The following MSH3 variants were observed in gnomAD, a reference collection of about 807,000 sequenced individuals.
MSH3 encodes the protein DNA mismatch repair protein Msh3.
In MSH3, 106 loss-of-function variants were observed where a neutral mutation model predicts 123.3. The ratio of observed to expected loss-of-function variants is 0.86; its 90% CI spans 0.73 to 1.01. MSH3 has a LOEUF of 1.01. MSH3 is among the 50% of genes least tolerant of loss of function. MSH3 has a pLI of 0.00. For missense variants in MSH3, 1,459 were observed against 1,347.6 expected, an observed-to-expected ratio of 1.08 and a Z score of -1.29; for synonymous variants, 515 against 481.4, an observed-to-expected ratio of 1.07 and a Z score of -0.91.
chr5:80,842,951 A>AG (rs1240428585), intron 20 of MSH3, among the ~76,000 whole-genome samples: 2 of 152,122 alleles, frequency 1.3e-5, no homozygotes, highest in Non-Finnish European at 1.5e-5. Flanking sequence ...GTTGAGTAGG[A>AG]GGGGTGAGAG....
At chr5:80,758,012 C>T (rs1187419647) in intron 12 of MSH3, among the ~76,000 whole-genome samples, 1 of 152,172 alleles carries the variant, frequency 6.6e-6, no homozygotes, top group Non-Finnish European at 1.5e-5. Context: ...CCCTTTCACT[C>T]TCTCCCTGCC....
intron 9 of MSH3, among the ~76,000 whole-genome samples, chr5:80,727,638 G>T (rs1743325534): frequency 6.6e-6 from 1 of 151,954 alleles, no homozygotes; most frequent in South Asian, 2.1e-4. Context: ...AACATAACTG[G>T]GATTTATTCG....
chr5:80,812,261 TTA>T (rs1482610473), intron 19 of MSH3, among the ~76,000 whole-genome samples: 5 of 152,330 alleles, frequency 3.3e-5, no homozygotes, highest in African/African-American at 1.2e-4. Flanking sequence ...TAGTAACATG[TTA>T]TAAGGCTTTA....
At chr5:80,792,964 C>A (rs1744634781) in intron 19 of MSH3, 120 bp downstream of exon 19, 4 of 680,416 alleles carry the variant, frequency 5.9e-6, no homozygotes, top group South Asian at 5.2e-5. Context: ...ATGGGCTAAG[C>A]CTGGACATAG....
At chr5:80,663,934 A>G (rs1400872673) in intron 2 of MSH3, among the ~76,000 whole-genome samples, 1 of 152,174 alleles carries the variant, frequency 6.6e-6, no homozygotes, top group African/African-American at 2.4e-5. Context: ...TTTTGCTTTA[A>G]TAGGGAAGGT....
At chr5:80,810,691 T>C (rs900190238) in intron 19 of MSH3, among the ~76,000 whole-genome samples, 21 of 152,168 alleles carry the variant, frequency 1.4e-4, no homozygotes, top group African/African-American at 5.1e-4. Flanking sequence ...CTGTAATTAC[T>C]GTAGCATTAT....
At chr5:80,806,038 A>ATAAACATTTTGGT (rs1744884636) in intron 19 of MSH3, among the ~76,000 whole-genome samples, 1 of 145,448 alleles carries the variant, frequency 6.9e-6, no homozygotes, top group Non-Finnish European at 1.6e-5. Context: ...ATAATTTTTT[A>ATAAACATTTTGGT]TAAACATTTT....
At chr5:80,764,284 G>A (rs374873717) in intron 13 of MSH3, among the ~76,000 whole-genome samples, 4 of 152,326 alleles carry the variant, frequency 2.6e-5, no homozygotes, top group Admixed American at 2.0e-4. Flanking sequence ...TTTGTGGAAC[G>A]TGCCCTGGAA....
chr5:80,867,582 T>G (rs931145642), intron 22 of MSH3, among the ~76,000 whole-genome samples: 8 of 152,294 alleles, frequency 5.3e-5, no homozygotes, highest in South Asian at 2.1e-4. Context: ...ATTAGGGAGT[T>G]AATTCCTTAT....
intron 7 of MSH3, among the ~76,000 whole-genome samples, chr5:80,677,155 CT>C (rs1749859695): frequency 6.6e-6 from 1 of 152,198 alleles, no homozygotes; most frequent in South Asian, 2.1e-4. Context: ...ACCCTCGACA[CT>C]GTTTTCCCTG....
chr5:80,856,001 C>T (rs191368936), intron 21 of MSH3, among the ~76,000 whole-genome samples: 12 of 151,542 alleles, frequency 7.9e-5, no homozygotes, highest in Admixed American at 2.0e-4. Flanking sequence ...CCTTCCACTT[C>T]GGCCTCCCGA....
intron 20 of MSH3, among the ~76,000 whole-genome samples, chr5:80,840,785 C>T (rs1265985699): frequency 4.6e-5 from 7 of 152,020 alleles, no homozygotes; most frequent in African/African-American, 9.7e-5. Flanking sequence ...TGATGTTCCC[C>T]GCCCTGTGCC....
At chr5:80,822,787 C>T (rs1745223423) in intron 20 of MSH3, among the ~76,000 whole-genome samples, 1 of 152,174 alleles carries the variant, frequency 6.6e-6, no homozygotes, top group Non-Finnish European at 1.5e-5. Context: ...CCTTCTGTTC[C>T]TCAGGAAGTG....
chr5:80,684,919 TTA>T lies in MSH3; in HGVS notation c.1340+5828_1340+5829del, dbSNP rs535883384. Among the ~76,000 whole-genome samples, 11 of 152,244 alleles carry T rather than the reference TTA, an allele frequency of 7.2e-5. No individual in the cohort carries two copies. The East Asian group carries it at 1.9e-3, about 27-fold the overall frequency. On this transcript the variant is annotated intron_variant, in intron 8 of 23. Transcript: ENST00000265081. ...CCTTTTTCAGCATCAAATGAAATGA[TTA>T]TGTGTTTTTTTTTCTTCATTCTGTT...
chr5:80,860,153 CTAT>C (rs554252939), intron 21 of MSH3, among the ~76,000 whole-genome samples: 5 of 152,010 alleles, frequency 3.3e-5, no homozygotes, highest in Non-Finnish European at 4.4e-5. Flanking sequence ...TACACTGTTG[CTAT>C]TATTATTGTG....
At chr5:80,826,793 C>T (rs1167835432) in intron 20 of MSH3, among the ~76,000 whole-genome samples, 1 of 151,976 alleles carries the variant, frequency 6.6e-6, no homozygotes, top group African/African-American at 2.4e-5. Flanking sequence ...AGGTAATCCA[C>T]CTGCCTCGGC....
intron 8 of MSH3, among the ~76,000 whole-genome samples, chr5:80,706,002 C>T (rs1053921927): frequency 3.9e-5 from 6 of 152,204 alleles, no homozygotes; most frequent in Non-Finnish European, 7.3e-5. Context: ...CCACCTCCCT[C>T]CTCAGTCCGT....
intron 10 of MSH3, among the ~76,000 whole-genome samples, chr5:80,738,847 G>A (rs1197202651): frequency 6.6e-6 from 1 of 152,140 alleles, no homozygotes; most frequent in African/African-American, 2.4e-5. Flanking sequence ...AGGTTATGAG[G>A]GCAGATCGTT....
At chr5:80,695,746 T>A (rs1750465280) in intron 8 of MSH3, among the ~76,000 whole-genome samples, 1 of 152,262 alleles carries the variant, frequency 6.6e-6, no homozygotes, top group Admixed American at 6.5e-5. Context: ...ACATTTAGCA[T>A]GGCTGCTCTG....
Sources: allele counts gnomAD v4.1 joint callset (sites outside exome capture counted in the v4.1 genomes callset), GRCh38; gene constraint gnomAD v4.1.1; transcripts MANE v1.5; gene names NCBI Gene and HGNC (gene_info 2026-07-23, HGNC 2026-07-21).